TMEM63A: variants seen among roughly 807,000 people sequenced by gnomAD.
TMEM63A encodes the protein mechanosensitive cation channel TMEM63A.
TMEM63A carries 76 observed loss-of-function variants against 100.6 expected under a neutral mutation model. The ratio of observed to expected loss-of-function variants is 0.76; its 90% CI spans 0.63 to 0.91. TMEM63A has a LOEUF of 0.91. Among genes scored for constraint, TMEM63A ranks in the 40% least tolerant of loss-of-function variants. The pLI is 0.00. For synonymous variants in TMEM63A, 401 were observed against 401.1 expected, an observed-to-expected ratio of 1.00 and a Z score of 0.00; for missense variants, 876 against 1,008.8, an observed-to-expected ratio of 0.87 and a Z score of 1.78.
intron 15 of TMEM63A, among the ~76,000 whole-genome samples, chr1:225,857,609 A>C (rs765110345): frequency 2.0e-5 from 3 of 152,260 alleles, no homozygotes; most frequent in Non-Finnish European, 4.4e-5. Context: ...TTCTAAAAAA[A>C]AAAACAAAAC....
chr1:225,866,550 G>A, intron 9 of TMEM63A, 24 bp downstream of exon 9: 1 of 1,605,910 alleles, frequency 6.2e-7, no homozygotes, highest in South Asian at 1.1e-5. Flanking sequence ...CCCAGCACAT[G>A]TCCCTAAGTC....
intron 2 of TMEM63A, 49 bp from the exon 3 acceptor site, chr1:225,877,643 C>A: frequency 1.3e-6 from 2 of 1,531,822 alleles, no homozygotes; most frequent in Non-Finnish European, 1.8e-6. Context: ...GCTCAAATTT[C>A]TTGCAGGTTC....
chr1:225,874,187 T>A (rs1330846287), intron 4 of TMEM63A, 101 bp downstream of exon 4: 1 of 1,175,144 alleles, frequency 8.5e-7, no homozygotes, highest in Admixed American at 2.2e-5. Flanking sequence ...ACACACACTA[T>A]ACACACATAT....
chr1:225,852,684 C>T lies in TMEM63A; in HGVS notation c.1883G>A (p.Cys628Tyr). 6.2e-7 allele frequency: 1 copy of T among 1,613,304 alleles called. No homozygotes were observed. Among genetic ancestry groups the T allele is most frequent in the African/African-American group, 1.3e-5 (1 of 75,022 alleles). The change falls in exon 20 of 25, where the codon TGT (cysteine) becomes TAT (tyrosine). Residue 628 changes from cysteine (C) to tyrosine (Y), a missense_variant. By Grantham distance (194) the Cys-to-Tyr change is radical. Around this residue, in one of 5 missense-constraint regions of TMEM63A, gnomAD observed 339 missense variants for 342.3 expected, o/e 0.99. Coordinates refer to ENST00000366835, the MANE Select transcript of TMEM63A (RefSeq NM_014698.3). ...CTCACCAAATGGCGCGATGATGGGA[C>T]AAGTGATGCTGTAGGCCACGATGAC... ...FTVIVAYSIT[C>Y]PIIAPFGLIY...
intron 20 of TMEM63A, among the ~76,000 whole-genome samples, chr1:225,850,588 C>T (rs892143359): frequency 6.6e-6 from 1 of 152,146 alleles, no homozygotes; most frequent in African/African-American, 2.4e-5. Flanking sequence ...GGTGTTTACT[C>T]GAGACCTTTG....
At chr1:225,875,658 G>T (rs753793876) in intron 3 of TMEM63A, among the ~76,000 whole-genome samples, 1 of 152,098 alleles carries the variant, frequency 6.6e-6, no homozygotes, top group African/African-American at 2.4e-5. Flanking sequence ...TGTCCACAGC[G>T]GCTGCCGCCC....
rs149614877 is a variant in TMEM63A at position 225,848,172 on chromosome 1, C to T, written c.2250+320G>A. 282 of 350,638 alleles carry T rather than the reference C, an allele frequency of 8.0e-4. 5 individuals are homozygous for T. The South Asian group carries it at 8.6e-3, about 11-fold the overall frequency. 21.7% of individuals were successfully genotyped at this position (350,638 alleles called of 1,614,324 possible). ...ATGACAAACCTTTGTCAAACCCTAG[C>T]GCCTTACCATGTGCCTTCACTAAAG... On this transcript the variant is annotated intron_variant, in intron 23 of 24. Transcript: ENST00000366835.
At chr1:225,878,885 T>TACACAC (rs55792328) in intron 2 of TMEM63A, among the ~76,000 whole-genome samples, 10,515 of 139,406 alleles carry the variant, frequency 0.075, 545 homozygotes, top group Admixed American at 0.13. Context: ...CCTACCTACC[T>TACACAC]ACACACACAC....
At chr1:225,877,949 T>C (rs935124484) in intron 2 of TMEM63A, among the ~76,000 whole-genome samples, 4 of 152,170 alleles carry the variant, frequency 2.6e-5, no homozygotes, top group Non-Finnish European at 4.4e-5. Flanking sequence ...AGGACTCGTG[T>C]TGGGAAAGTC....
chr1:225,880,897 G>A (rs1001594453), intron 1 of TMEM63A, among the ~76,000 whole-genome samples: 1 of 152,234 alleles, frequency 6.6e-6, no homozygotes, highest in Non-Finnish European at 1.5e-5. Context: ...AATGTTGCAG[G>A]AAGTATATGG....
In TMEM63A at chr1:225,862,863, G is replaced by T. The variant is rs753366328; in HGVS notation, c.747-12C>A. The T allele has an allele frequency of 2.5e-6, 4 of 1,613,270 alleles. No individual in the cohort carries two copies. The highest frequency in any genetic ancestry group is 3.4e-6 in the Non-Finnish European group (4 of 1,179,780). ...TGGGATACGCGTCCCTGTGGCCAGG[G>T]AGAGAAGGAGGCAAAAGACACCGTT... is the stretch of plus-strand genomic sequence containing the variant. On this transcript the variant is annotated splice_polypyrimidine_tract_variant and intron_variant, in intron 10 of 24. Coordinates refer to ENST00000366835, the MANE Select transcript of TMEM63A (RefSeq NM_014698.3). This position sits in a 1 kb window ranked among gnomAD's most constrained non-coding sequence, Gnocchi z 5.1.
At chr1:225,870,444 G>GCC (rs3841810) in intron 6 of TMEM63A, among the ~76,000 whole-genome samples, 6 of 150,292 alleles carry the variant, frequency 4.0e-5, no homozygotes, top group African/African-American at 1.2e-4. Context: ...ATCAGTCCCC[G>GCC]CCCCCCCCCG....
Position 225,867,942 on chromosome 1 carries a change from T to G in TMEM63A, c.460A>C (p.Ser154Arg). The G allele has an allele frequency of 6.2e-7, 1 of 1,614,160 alleles. No homozygotes were observed. Residue 154 changes from serine to arginine, a missense_variant, in exon 7 of 25, where the codon AGC becomes CGC. Physicochemically the swap from Ser to Arg is moderately radical, Grantham distance 110. This residue lies in a region of TMEM63A where 487 missense variants were observed against 581.9 expected (regional missense o/e 0.84). Transcript: ENST00000366835. The surrounding 1 kb of genome is among the most constrained non-coding windows in gnomAD (Gnocchi z 4.6). ...AGGATGACACACAGGGACAAAAAGC[T>G]GACCACCACCAACAGGAAGATGATG... ...RHIIFLLVVV[S>R]FLSLCVILPV...
downstream of TMEM63A, among the ~76,000 whole-genome samples, chr1:225,842,863 G>A (rs942652189): frequency 6.6e-6 from 1 of 152,196 alleles, no homozygotes; most frequent in Non-Finnish European, 1.5e-5. Context: ...CCAGGAGGGT[G>A]GTCGCAGAAA....
chr1:225,844,460 T>A, downstream of TMEM63A: 2 of 1,480,352 alleles, frequency 1.4e-6, no homozygotes, highest in Non-Finnish European at 1.9e-6. Context: ...CAACTGCATG[T>A]GGCACTGAGA....
chr1:225,845,737 CGCAGGGGCAGCTTGGA>C lies in TMEM63A; in HGVS notation c.*1186_*1201del, dbSNP rs1468349622. The C allele has an allele frequency of 8.9e-6, 3 of 337,246 alleles. No homozygotes were observed. The East Asian group carries it at 2.3e-4, about 26-fold the overall frequency. 20.9% of individuals were successfully genotyped at this position (337,246 alleles called of 1,614,324 possible). ...ATGGCACCGCCCCCACCCCTCCCAG[CGCAGGGGCAGCTTGGA>C]GCAGAGGCAGCACTGGCCACCACTG... On this transcript the variant is annotated 3_prime_UTR_variant, in exon 25 of 25. Coordinates refer to ENST00000366835, the MANE Select transcript of TMEM63A (RefSeq NM_014698.3).
intron 1 of TMEM63A, 89 bp from the exon 2 acceptor site, chr1:225,879,499 G>A (rs932659524): frequency 6.6e-6 from 1 of 152,322 alleles, no homozygotes; most frequent in African/African-American, 2.4e-5. Context: ...ACACACCTGT[G>A]TATGCATGCT....
rs1444801702 is a variant in TMEM63A at position 225,847,105 on chromosome 1, T to G, written c.2359A>C (p.Ile787Leu). ...YGAIHNISGT[I>L]PGQCLAQSAT... ...CTCTGCGCCAAGCACTGTCCAGGGA[T>G]AGTCCCGCTGATGTTGTGGATGGCA... Residue 787 changes from isoleucine (I) to leucine (L), a missense_variant, in exon 24 of 25, where the codon ATC becomes CTC. Physicochemically the swap from Ile to Leu is conservative, Grantham distance 5. Around this residue, in one of 5 missense-constraint regions of TMEM63A, gnomAD observed 339 missense variants for 342.3 expected, o/e 0.99. Coordinates refer to ENST00000366835, the MANE Select transcript of TMEM63A (RefSeq NM_014698.3). The G allele has an allele frequency of 6.2e-7, 1 of 1,613,892 alleles. No individual in the cohort carries two copies. The highest frequency in any genetic ancestry group is 2.2e-5 in the East Asian group (1 of 44,878).
At chr1:225,858,325 T>C (rs360079) in intron 15 of TMEM63A, among the ~76,000 whole-genome samples, 1 of 131,804 alleles carries the variant, frequency 7.6e-6, no homozygotes, top group South Asian at 2.5e-4. Flanking sequence ...TTTGTTTTTT[T>C]TTTTTTTTTT....
Sources: gnomAD v4.1 joint callset for allele counts (sites outside exome capture counted in the v4.1 genomes callset) on GRCh38, gnomAD v4.1.1 for gene constraint, gnomAD v4.1.1 regional missense constraint, Gnocchi (gnomAD v3.1) non-coding constraint, MANE v1.5 for transcripts, NCBI Gene and HGNC (gene_info 2026-07-23, HGNC 2026-07-21) for gene names.